The following EXOC4 variants were observed in gnomAD, a reference collection of about 807,000 sequenced individuals.
EXOC4 encodes exocyst complex component 4, also known as SEC8-like 1.
EXOC4 carries 71 observed loss-of-function variants against 107.2 expected under a neutral mutation model. The observed-to-expected ratio is 0.66, with a 90% CI of 0.55 to 0.81. The LOEUF (loss-of-function observed/expected upper bound fraction) is 0.81. Ranked by LOEUF, EXOC4 falls within the 30% of genes least tolerant of loss-of-function variation. The pLI, the probability that EXOC4 is intolerant of heterozygous loss-of-function variation, is 0.00. For missense variants in EXOC4, 1,108 were observed against 1,189.6 expected (o/e 0.93, Z 1.01); for synonymous variants, 456 against 441.2 (o/e 1.03, Z -0.42).
chr7:133,792,823 A>T (rs890610024), intron 10 of EXOC4, among the ~76,000 whole-genome samples: 3 of 152,204 alleles, frequency 2.0e-5, no homozygotes, highest in African/African-American at 7.2e-5. Context: ...TAAAAATAGC[A>T]TGCATTTATC....
chr7:133,857,148 G>GTA (rs60382657), intron 11 of EXOC4, among the ~76,000 whole-genome samples: 11 of 20,706 alleles, frequency 5.3e-4, no homozygotes, highest in Non-Finnish European at 7.3e-4. Flanking sequence ...ACACATACAC[G>GTA]TATATATATA....
chr7:133,498,170 A>G (rs1180540616), intron 9 of EXOC4, among the ~76,000 whole-genome samples: 1 of 152,126 alleles, frequency 6.6e-6, no homozygotes, highest in Non-Finnish European at 1.5e-5. Context: ...GTTAAATGGC[A>G]CTATTGATAA....
intron 5 of EXOC4, among the ~76,000 whole-genome samples, chr7:133,329,277 T>C (rs1032360545): frequency 6.6e-6 from 1 of 152,230 alleles, no homozygotes; most frequent in Non-Finnish European, 1.5e-5. Context: ...ATCAGGTCAT[T>C]TAAGCTCTTC....
intron 11 of EXOC4, among the ~76,000 whole-genome samples, chr7:133,827,540 A>G (rs1414287166): frequency 6.6e-6 from 1 of 152,220 alleles, no homozygotes; most frequent in Admixed American, 6.5e-5. Context: ...ACTAGAGATA[A>G]ACATTATTTT....
At chr7:133,514,969 C>G (rs1799844983) in intron 9 of EXOC4, among the ~76,000 whole-genome samples, 1 of 152,114 alleles carries the variant, frequency 6.6e-6, no homozygotes, top group East Asian at 1.9e-4. Flanking sequence ...CCACTTCAGT[C>G]TTTATCATTA....
intron 6 of EXOC4, among the ~76,000 whole-genome samples, chr7:133,370,553 T>A (rs1176448322): frequency 6.6e-6 from 1 of 152,104 alleles, no homozygotes; most frequent in Non-Finnish European, 1.5e-5. Flanking sequence ...CTGTTCTTTG[T>A]CCATGAGGAA....
intron 11 of EXOC4, among the ~76,000 whole-genome samples, chr7:133,823,936 AT>A (rs1162377725): frequency 1.0e-5 from 1 of 98,562 alleles, no homozygotes; most frequent in Non-Finnish European, 1.9e-5. Flanking sequence ...TTATATATAT[AT>A]TATATATATA....
the EXOC4 span, among the ~76,000 whole-genome samples, chr7:134,077,265 A>G: frequency 6.6e-6 from 1 of 152,192 alleles, no homozygotes; most frequent in African/African-American, 2.4e-5. Flanking sequence ...TGGATGTCCC[A>G]ACTCAAAGAA....
chr7:133,523,429 C>G (rs1800017063), intron 9 of EXOC4, among the ~76,000 whole-genome samples: 1 of 139,282 alleles, frequency 7.2e-6, no homozygotes, highest in African/African-American at 2.6e-5. Flanking sequence ...AGTATATATA[C>G]CTTTCAGTTC....
rs10245771 is a variant in EXOC4, at chr7:133,485,322, G to A, written c.1417+5184G>A. 1.1e-3 allele frequency among the ~76,000 whole-genome samples: 163 copies of A among 151,568 alleles called. 1 individual carries two copies. Among genetic ancestry groups the A allele is most frequent in the African/African-American group, 3.7e-3 (152 of 41,346 alleles). On this transcript the variant is annotated intron_variant, in intron 9 of 17. Coordinates refer to ENST00000253861, the MANE Select transcript of EXOC4 (RefSeq NM_021807.4). ...GACATTCATTTCACTTGATCTTTCC[G>A]CTGTTTTTCTTTTCTTATCCTCATG...
chr7:133,970,281 T>C (rs536749079), intron 14 of EXOC4, among the ~76,000 whole-genome samples: 4 of 152,218 alleles, frequency 2.6e-5, no homozygotes, highest in East Asian at 3.9e-4. Context: ...CTTGCTGGGC[T>C]CCGTGGGGGT....
At chr7:134,008,860 G>A (rs1267930025) in intron 17 of EXOC4, among the ~76,000 whole-genome samples, 3 of 151,988 alleles carry the variant, frequency 2.0e-5, no homozygotes, top group Non-Finnish European at 4.4e-5. Flanking sequence ...TGAACTCCTG[G>A]CCTCACGCAA....
At chr7:133,345,735 C>T (rs1030876751) in intron 5 of EXOC4, among the ~76,000 whole-genome samples, 3 of 152,192 alleles carry the variant, frequency 2.0e-5, no homozygotes, top group Non-Finnish European at 4.4e-5. Context: ...AGGACCCGTG[C>T]ACACTCACCT....
At chr7:134,058,077 A>G (rs1054979844) in intron 17 of EXOC4, among the ~76,000 whole-genome samples, 4 of 152,138 alleles carry the variant, frequency 2.6e-5, no homozygotes, top group African/African-American at 4.8e-5. Flanking sequence ...TGTTATTATC[A>G]TAGATACCAT....
chr7:133,957,012 TAG>T (rs984390377), intron 14 of EXOC4, among the ~76,000 whole-genome samples: 5 of 152,098 alleles, frequency 3.3e-5, no homozygotes, highest in African/African-American at 1.2e-4. Flanking sequence ...GAGAACTATA[TAG>T]AGAGGCTAAA....
intron 10 of EXOC4, among the ~76,000 whole-genome samples, chr7:133,668,314 G>A (rs979391182): frequency 6.6e-6 from 1 of 152,044 alleles, no homozygotes; most frequent in Admixed American, 6.5e-5. Flanking sequence ...GTCATCTTTC[G>A]GTCGTGTTCA....
chr7:133,618,579 G>A (rs1802250491), intron 9 of EXOC4, among the ~76,000 whole-genome samples: 1 of 152,106 alleles, frequency 6.6e-6, no homozygotes, highest in Non-Finnish European at 1.5e-5. Context: ...TTTTTGCTTT[G>A]GTGGGTGGTC....
intron 17 of EXOC4, 173 bp downstream of exon 17, chr7:134,008,008 T>G (rs749892238): frequency 1.8e-5 from 11 of 597,162 alleles, no homozygotes; most frequent in Non-Finnish European, 3.0e-5. Flanking sequence ...AGAATTCTAT[T>G]GAATTTTGTT....
chr7:133,797,899 C>G (rs918247925), intron 10 of EXOC4, among the ~76,000 whole-genome samples: 1 of 152,054 alleles, frequency 6.6e-6, no homozygotes, highest in East Asian at 1.9e-4. Flanking sequence ...TCCAGTAAGG[C>G]AAATGAAAAG....
Sources: gnomAD v4.1 joint callset for allele counts (sites outside exome capture counted in the v4.1 genomes callset) on GRCh38, gnomAD v4.1.1 for gene constraint, MANE v1.5 for transcripts, NCBI Gene and HGNC (gene_info 2026-07-23, HGNC 2026-07-21) for gene names.